COL19A1: variants seen among roughly 807,000 people sequenced by gnomAD.
The protein encoded by COL19A1 is collagen alpha-1(XIX) chain.
Under a neutral mutation model 190.2 loss-of-function variants are expected in COL19A1, and 159 were observed. The ratio of observed to expected loss-of-function variants is 0.84; its 90% CI spans 0.73 to 0.95. COL19A1 has a LOEUF of 0.95. Among genes scored for constraint, COL19A1 ranks in the 40% least tolerant of loss-of-function variants. The pLI is 0.00. For missense variants in COL19A1, 1,418 were observed against 1,431.9 expected, an observed-to-expected ratio of 0.99 and a Z score of 0.16; for synonymous variants, 509 against 458.9, an observed-to-expected ratio of 1.11 and a Z score of -1.39.
rs1187631426 is a variant in COL19A1 at position 69,921,356 on chromosome 6, A to AATCATATATATCATATAT, written c.267-6525_267-6508dup. On this transcript the variant is annotated intron_variant, in intron 4 of 50. Transcript: ENST00000620364. ...TATATCTATATATATCATATATCAT[A>AATCATATATATCATATAT]ATCATATATATCATATATATCATAT... Among the ~76,000 whole-genome samples the AATCATATATATCATATAT allele has an allele frequency of 3.2e-4, 29 of 90,360 alleles. 1 individual carries two copies. Among genetic ancestry groups the AATCATATATATCATATAT allele is most frequent in the East Asian group, 1.7e-3 (6 of 3,624 alleles). The allele number at this position is 90,360 out of a possible 152,430, so 59.3% of individuals were successfully genotyped here. A position where few individuals can be genotyped will look rare whatever the true frequency, so the allele number is the denominator to read the frequency against.
chr6:70,128,903 C>T (rs1785352521), intron 17 of COL19A1, among the ~76,000 whole-genome samples: 1 of 152,180 alleles, frequency 6.6e-6, no homozygotes, highest in Non-Finnish European at 1.5e-5. Context: ...TCCCACAGAG[C>T]CTGGAAGATA....
chr6:69,869,804 T>C (rs1163566583), intron 1 of COL19A1, among the ~76,000 whole-genome samples: 2 of 152,088 alleles, frequency 1.3e-5, no homozygotes, highest in African/African-American at 4.8e-5. Flanking sequence ...ATGGAGAGAA[T>C]AGGTTAAGTG....
At chr6:69,907,224 G>T (rs2149982099) in intron 4 of COL19A1, among the ~76,000 whole-genome samples, 1 of 151,116 alleles carries the variant, frequency 6.6e-6, no homozygotes, top group Non-Finnish European at 1.5e-5. Context: ...CCACCTCCCG[G>T]TTTCAAACGA....
chr6:70,067,964 A>G (rs1337927924), intron 14 of COL19A1, among the ~76,000 whole-genome samples: 4 of 152,108 alleles, frequency 2.6e-5, no homozygotes, highest in African/African-American at 9.6e-5. Context: ...TTAAAAGTTC[A>G]ATGTTATGAG....
At chr6:70,180,548 T>A in intron 44 of COL19A1, 25 bp downstream of exon 44, 1 of 1,609,708 alleles carries the variant, frequency 6.2e-7, no homozygotes, top group Non-Finnish European at 8.5e-7. Context: ...CTACTTAAAA[T>A]ATGCCACCTA....
intron 2 of COL19A1, among the ~76,000 whole-genome samples, chr6:69,896,506 C>T (rs961248321): frequency 2.1e-5 from 3 of 143,710 alleles, no homozygotes; most frequent in South Asian, 2.2e-4. Context: ...CACTGCAGTC[C>T]GCAGTCCGGC....
Position 70,207,434 on chromosome 6 carries a change from T to C in COL19A1, c.*160T>C, listed in dbSNP as rs1422706252. ...AGCAACCGTTTGAATCCTATTCCTATAGCAATTGCAAATCAGCATTTTTTG... is the reference window on the plus strand; with the variant it reads ...AGCAACCGTTTGAATCCTATTCCTACAGCAATTGCAAATCAGCATTTTTTG... On this transcript the variant is annotated 3_prime_UTR_variant, in exon 51 of 51. Transcript: ENST00000620364. 3 of 569,262 alleles carry C rather than the reference T, an allele frequency of 5.3e-6. No homozygotes were observed. Among genetic ancestry groups the C allele is most frequent in the Non-Finnish European group, 5.4e-6 (2 of 373,052 alleles). The allele number at this position is 569,262 out of a possible 1,614,324, so 35.3% of individuals were successfully genotyped here.
rs1422279838 is a variant in COL19A1, at chr6:70,166,945, G to A, written c.2445+960G>A. Among the ~76,000 whole-genome samples, 3 of 152,182 alleles carry A rather than the reference G, an allele frequency of 2.0e-5. No individual in the cohort carries two copies. In the East Asian group the frequency reaches 5.8e-4, roughly 29 times the overall value. Reference sequence around the variant, plus strand: ...ACCTATAATTTTATAATGCACTTAAGATGTCTTTGTCTTCCCTCTGAATTC... The same window carrying A: ...ACCTATAATTTTATAATGCACTTAAAATGTCTTTGTCTTCCCTCTGAATTC... On this transcript the variant is annotated intron_variant, in intron 37 of 50. Coordinates refer to ENST00000620364, the MANE Select transcript of COL19A1 (RefSeq NM_001858.6).
intron 14 of COL19A1, among the ~76,000 whole-genome samples, chr6:70,065,520 G>A (rs1045165464): frequency 7.2e-5 from 11 of 152,112 alleles, no homozygotes; most frequent in Non-Finnish European, 1.0e-4. Context: ...AGAAAACCTA[G>A]GCAATACCAT....
At chr6:69,944,848 C>T (rs544006019) in intron 9 of COL19A1, among the ~76,000 whole-genome samples, 20 of 151,914 alleles carry the variant, frequency 1.3e-4, no homozygotes, top group Non-Finnish European at 8.8e-5. Context: ...CCTAATCAAG[C>T]GATTTTAACC....
chr6:70,178,794 A>G (rs926613802), intron 42 of COL19A1, among the ~76,000 whole-genome samples: 1 of 152,032 alleles, frequency 6.6e-6, no homozygotes, highest in Non-Finnish European at 1.5e-5. Context: ...TTTCCTGTAT[A>G]TTCAGGGCTA....
chr6:69,962,000 G>C (rs1774827561), intron 10 of COL19A1, among the ~76,000 whole-genome samples: 1 of 152,168 alleles, frequency 6.6e-6, no homozygotes, highest in Non-Finnish European at 1.5e-5. Flanking sequence ...TGTGCACTCA[G>C]GAAATGCTTG....
intron 27 of COL19A1, 85 bp from the exon 28 acceptor site, chr6:70,149,619 T>C: frequency 6.5e-7 from 1 of 1,545,204 alleles, no homozygotes; most frequent in African/African-American, 1.4e-5. Context: ...CTAAGTAAAC[T>C]ACAATGCTTA....
intron 11 of COL19A1, among the ~76,000 whole-genome samples, chr6:70,017,042 A>G (rs1778151121): frequency 1.3e-5 from 2 of 152,126 alleles, no homozygotes; most frequent in African/African-American, 4.8e-5. Flanking sequence ...GTGTCCACAA[A>G]AAGATGTTTA....
chr6:70,149,956 C>T (rs758046595), intron 29 of COL19A1, 36 bp from the exon 30 acceptor site: 15 of 1,613,336 alleles, frequency 9.3e-6, no homozygotes, highest in South Asian at 3.3e-5. Flanking sequence ...ACCTGTGCCA[C>T]GTGCAAAGAT....
Position 70,151,393 on chromosome 6 carries a change from A to G in COL19A1, c.2038-4A>G. 6.2e-7 allele frequency: 1 copy of G among 1,612,638 alleles called. No homozygotes were observed. The highest frequency in any genetic ancestry group is 1.1e-5 in the South Asian group (1 of 91,030). On this transcript the variant is annotated splice_polypyrimidine_tract_variant and splice_region_variant and intron_variant, in intron 30 of 50. Coordinates refer to ENST00000620364, the MANE Select transcript of COL19A1 (RefSeq NM_001858.6). ...TGTATTTGGTTTTATCTTCTTAACCACAGATTGCACTTCCTCTCTTGGGAG... is the reference window on the plus strand; with the variant it reads ...TGTATTTGGTTTTATCTTCTTAACCGCAGATTGCACTTCCTCTCTTGGGAG...
At chr6:69,930,837 C>A (rs1261602801) in intron 6 of COL19A1, among the ~76,000 whole-genome samples, 2 of 151,930 alleles carry the variant, frequency 1.3e-5, no homozygotes, top group Admixed American at 6.6e-5. Context: ...AAGAATTGAT[C>A]CCACAATTTG....
intron 36 of COL19A1, among the ~76,000 whole-genome samples, chr6:70,164,170 G>A (rs1182667811): frequency 6.6e-6 from 1 of 152,134 alleles, no homozygotes; most frequent in Non-Finnish European, 1.5e-5. Context: ...TGTTTCCTGG[G>A]GAGATCAGTT....
chr6:70,202,959 C>G (rs1583161116), intron 49 of COL19A1, among the ~76,000 whole-genome samples: 1 of 152,238 alleles, frequency 6.6e-6, no homozygotes, highest in Middle Eastern at 3.4e-3. Context: ...GAGAACTTTC[C>G]TTGGTGTCCA....
Sources: gnomAD v4.1 joint callset for allele counts (sites outside exome capture counted in the v4.1 genomes callset) on GRCh38, gnomAD v4.1.1 for gene constraint, MANE v1.5 for transcripts, NCBI Gene and HGNC (gene_info 2026-07-23, HGNC 2026-07-21) for gene names.